FKBP8: variants seen among roughly 807,000 people sequenced by gnomAD.
FKBP8 encodes FKBP prolyl isomerase 8.
Under a neutral mutation model 41.7 loss-of-function variants are expected in FKBP8, and 5 were observed. The observed-to-expected ratio is 0.12, with a 90% CI of 0.06 to 0.25. FKBP8 has a LOEUF of 0.25. Ranked by LOEUF, FKBP8 falls within the 10% of genes least tolerant of loss-of-function variation. The pLI is 1.00. For synonymous variants in FKBP8, 279 were observed against 254.5 expected (o/e 1.10, Z -0.92); for missense variants, 397 against 563.0 (o/e 0.71, Z 2.98).
Position 18,537,545 on chromosome 19 carries a change from A to C in FKBP8, c.945+56T>G. 6.7e-7 allele frequency: 1 copy of C among 1,489,910 alleles called. No homozygotes were observed. Among genetic ancestry groups the C allele is most frequent in the Admixed American group, 2.1e-5 (1 of 46,630 alleles). 92.3% of individuals were successfully genotyped at this position (1,489,910 alleles called of 1,614,324 possible). On this transcript the variant is annotated intron_variant, in intron 6 of 8. Coordinates refer to ENST00000608443, the MANE Select transcript of FKBP8 (RefSeq NM_012181.5). This position sits in a 1 kb window ranked among gnomAD's most constrained non-coding sequence, Gnocchi z 4.4. ...GCCTTTCTCAAATGCAGGGTTGGGGACCACCCCGTATACCCCAGGCTGAGT... is the reference window on the plus strand; with the variant it reads ...GCCTTTCTCAAATGCAGGGTTGGGGCCCACCCCGTATACCCCAGGCTGAGT...
chr19:18,542,781 A>T, intron 1 of FKBP8: 1 of 670,346 alleles, frequency 1.5e-6, no homozygotes, highest in South Asian at 1.5e-5. Context: ...TCCTTGCCCC[A>T]GACCTCCTGA....
At position 18,538,744 on chromosome 19, in the gene FKBP8, C is replaced by T. The variant is rs2145190789; in HGVS notation, c.552-308G>A. Among the ~76,000 whole-genome samples the T allele has an allele frequency of 6.6e-6, 1 of 150,810 alleles. No homozygotes were observed. The highest frequency in any genetic ancestry group is 2.1e-4 in the South Asian group (1 of 4,782). The stretch of plus-strand genomic sequence containing the variant: ...CTCACTGCAGCCTCAAAAACGTGGG[C>T]TCAAGTGATCCTCCTGCCTGAGCCT... On this transcript the variant is annotated intron_variant, in intron 4 of 8. Transcript: ENST00000608443. The surrounding 1 kb of genome is among the most constrained non-coding windows in gnomAD (Gnocchi z 4.0).
chr19:18,532,525 C>A, intron 8 of FKBP8, 139 bp downstream of exon 8: 1 of 1,324,232 alleles, frequency 7.6e-7, no homozygotes, highest in East Asian at 2.5e-5. Context: ...CTCATGATCA[C>A]ACAGGGCTGG....
chr19:18,543,011 C>T, intron 1 of FKBP8: 1 of 764,352 alleles, frequency 1.3e-6, no homozygotes, highest in South Asian at 1.7e-5. Context: ...CACCACCGCC[C>T]CCAGCACGGG....
intron 4 of FKBP8, 121 bp downstream of exon 4, chr19:18,539,249 TC>T: frequency 3.4e-6 from 3 of 887,786 alleles, no homozygotes; most frequent in Non-Finnish European, 5.3e-6. Context: ...GTGAGCCACC[TC>T]ACCCAGCCTC....
chr19:18,539,710 C>T lies in FKBP8; in HGVS notation c.303G>A (p.Leu101=). The change falls in exon 3 of 9, where the codon CTG becomes CTA. Residue 101 remains leucine (L), a synonymous_variant. Coordinates refer to ENST00000608443, the MANE Select transcript of FKBP8 (RefSeq NM_012181.5). ...EEWLDILGNG[L]LRKKTLVPGP... Reference sequence around the variant, plus strand: ...CTGGGACCAGCGTCTTCTTCCTCAACAGCCCGTTCCCTGCCAGGGTCCAGG... The same window carrying T: ...CTGGGACCAGCGTCTTCTTCCTCAATAGCCCGTTCCCTGCCAGGGTCCAGG... The T allele has an allele frequency of 3.1e-6, 5 of 1,607,696 alleles. No individual in the cohort carries two copies. Among genetic ancestry groups the T allele is most frequent in the Non-Finnish European group, 4.2e-6 (5 of 1,179,986 alleles).
chr19:18,537,432 T>C lies in FKBP8; in HGVS notation c.945+169A>G, dbSNP rs1026702703. Among the ~76,000 whole-genome samples the C allele has an allele frequency of 2.0e-5, 3 of 152,124 alleles. No individual in the cohort carries two copies. The highest frequency in any genetic ancestry group is 4.4e-5 in the Non-Finnish European group (3 of 68,016). ...CAAATTCTGGCCTCAGCCAATGAATTGTTGTGACCAGGCCACACTCCTGCA... is the reference window on the plus strand; with the variant it reads ...CAAATTCTGGCCTCAGCCAATGAATCGTTGTGACCAGGCCACACTCCTGCA... On this transcript the variant is annotated intron_variant, in intron 6 of 8. Coordinates refer to ENST00000608443, the MANE Select transcript of FKBP8 (RefSeq NM_012181.5). The surrounding 1 kb of genome is among the most constrained non-coding windows in gnomAD (Gnocchi z 4.4).
intron 2 of FKBP8, 109 bp from the exon 3 acceptor site, chr19:18,539,829 G>A: frequency 1.5e-6 from 2 of 1,341,118 alleles, no homozygotes; most frequent in East Asian, 2.3e-5. Context: ...TGTCCAGAGG[G>A]GGCTGGCCCA....
intron 6 of FKBP8, among the ~76,000 whole-genome samples, chr19:18,535,639 G>A (rs892059494): frequency 2.0e-5 from 3 of 151,454 alleles, no homozygotes; most frequent in East Asian, 2.0e-4. Flanking sequence ...GGATGTGCTC[G>A]CTTGAACCCA....
At chr19:18,534,324 CA>C (rs1376818710) in intron 6 of FKBP8, among the ~76,000 whole-genome samples, 1 of 151,734 alleles carries the variant, frequency 6.6e-6, no homozygotes, top group African/African-American at 2.4e-5. Context: ...AACAAACAAA[CA>C]AAAAAAACAG....
rs1976617660 is a variant in FKBP8 at position 18,537,965 on chromosome 19, G to T, written c.773-192C>A. ...ACTTAAGCAAGCGAGGGCCTAGCCT[G>T]TGGTACATGTGAACTGGCCCTGTCT... On this transcript the variant is annotated intron_variant, in intron 5 of 8. Coordinates refer to ENST00000608443, the MANE Select transcript of FKBP8 (RefSeq NM_012181.5). The surrounding 1 kb of genome is among the most constrained non-coding windows in gnomAD (Gnocchi z 4.4). 1 of 681,242 alleles carries T rather than the reference G, an allele frequency of 1.5e-6. No individual in the cohort carries two copies. The highest frequency in any genetic ancestry group is 2.7e-5 in the East Asian group (1 of 36,422). 42.2% of individuals were successfully genotyped at this position (681,242 alleles called of 1,614,324 possible).
In FKBP8 at chr19:18,532,101, C is replaced by G; in HGVS notation, c.*68G>C. 7.3e-7 allele frequency: 1 copy of G among 1,372,196 alleles called. No individual in the cohort carries two copies. The highest frequency in any genetic ancestry group is 1.0e-6 in the Non-Finnish European group (1 of 985,094). The allele number at this position is 1,372,196 out of a possible 1,614,324, so 85.0% of individuals were successfully genotyped here. A position where few individuals can be genotyped will look rare whatever the true frequency, so the allele number is the denominator to read the frequency against. The stretch of plus-strand genomic sequence containing the variant: ...ACCAGGGAGGGCAGTGGACAGGGAG[C>G]CTGGGGGAGTTGGGGAGCGCAGGGC... On this transcript the variant is annotated 3_prime_UTR_variant, in exon 9 of 9. Coordinates refer to ENST00000608443, the MANE Select transcript of FKBP8 (RefSeq NM_012181.5).
intron 7 of FKBP8, 190 bp downstream of exon 7, chr19:18,533,080 G>C (rs1976485973): frequency 2.9e-6 from 2 of 680,456 alleles, no homozygotes; most frequent in African/African-American, 3.6e-5. Flanking sequence ...TGCTGGAGGA[G>C]TGAGAGCCCA....
Position 18,532,038 on chromosome 19 carries a change from C to T in FKBP8, c.*131G>A. On this transcript the variant is annotated 3_prime_UTR_variant, in exon 9 of 9. Coordinates refer to ENST00000608443, the MANE Select transcript of FKBP8 (RefSeq NM_012181.5). ...CTCCTGCTGGCTGGGCTGCACGACC[C>T]CCAATCCTTGCTCCCCTAACCCGGA... 1 of 800,856 alleles carries T rather than the reference C, an allele frequency of 1.2e-6. No homozygotes were observed. The highest frequency in any genetic ancestry group is 2.1e-6 in the Non-Finnish European group (1 of 483,346). 49.6% of individuals were successfully genotyped at this position (800,856 alleles called of 1,614,324 possible). A position where few individuals can be genotyped will look rare whatever the true frequency, so the allele number is the denominator to read the frequency against.
intron 2 of FKBP8, among the ~76,000 whole-genome samples, chr19:18,540,075 G>A (rs772243741): frequency 2.0e-4 from 31 of 151,920 alleles, no homozygotes; most frequent in Non-Finnish European, 3.5e-4. Flanking sequence ...AGAATCACAA[G>A]TTCAGCCCAG....
At chr19:18,532,379 CT>C in intron 8 of FKBP8, 124 bp from the exon 9 acceptor site, 1 of 1,067,162 alleles carries the variant, frequency 9.4e-7, no homozygotes, top group Admixed American at 2.1e-5. Flanking sequence ...GTATTTCCCA[CT>C]TCCTGGCAAA....
chr19:18,533,033 G>A (rs1976484815), intron 7 of FKBP8: 2 of 729,406 alleles, frequency 2.7e-6, no homozygotes, highest in East Asian at 2.7e-5. Flanking sequence ...GGAAGGCCAA[G>A]GACACTGGCA....
At chr19:18,536,451 G>A (rs11574811) in intron 6 of FKBP8, among the ~76,000 whole-genome samples, 7,787 of 152,156 alleles carry the variant, frequency 0.051, 664 homozygotes, top group African/African-American at 0.18. Flanking sequence ...CTTGACCTTC[G>A]GGGCTCAAGC....
Position 18,538,106 on chromosome 19 carries a change from T to C in FKBP8, c.772+110A>G, listed in dbSNP as rs1976620599. 8.4e-7 allele frequency: 1 copy of C among 1,193,406 alleles called. No homozygotes were observed. The highest frequency in any genetic ancestry group is 2.2e-5 in the Admixed American group (1 of 45,438). The allele number at this position is 1,193,406 out of a possible 1,614,324, so 73.9% of individuals were successfully genotyped here. A position where few individuals can be genotyped will look rare whatever the true frequency, so the allele number is the denominator to read the frequency against. On this transcript the variant is annotated intron_variant, in intron 5 of 8. Transcript: ENST00000608443. This position sits in a 1 kb window ranked among gnomAD's most constrained non-coding sequence, Gnocchi z 4.0. ...GGCAGTTGGGGATCTACCCATATTCTGGGCTATTCTAGAATATTCTGAGTC... is the reference window on the plus strand; with the variant it reads ...GGCAGTTGGGGATCTACCCATATTCCGGGCTATTCTAGAATATTCTGAGTC...
Sources: gnomAD v4.1 joint callset for allele counts (sites outside exome capture counted in the v4.1 genomes callset) on GRCh38, gnomAD v4.1.1 for gene constraint, Gnocchi (gnomAD v3.1) non-coding constraint, MANE v1.5 for transcripts, NCBI Gene and HGNC (gene_info 2026-07-23, HGNC 2026-07-21) for gene names.